Variants in RGS7 observed in about 807,000 individuals in gnomAD.
The protein encoded by RGS7 is regulator of G-protein signaling 7.
RGS7 carries 27 observed loss-of-function variants against 81.1 expected under a neutral mutation model. That is an observed-to-expected ratio of 0.33 (90% CI 0.25 to 0.46). The LOEUF is 0.46. RGS7 is among the 20% of genes least tolerant of loss of function. The pLI is 1.00. For synonymous variants in RGS7, 208 were observed against 207.7 expected (o/e 1.00, Z -0.01); for missense variants, 396 against 607.4 (o/e 0.65, Z 3.66).
chr1:241,099,839 G>A (rs917211512), intron 2 of RGS7, among the ~76,000 whole-genome samples: 8 of 152,254 alleles, frequency 5.3e-5, no homozygotes, highest in African/African-American at 1.9e-4. Context: ...AAAAAATTCA[G>A]TCAATAGTGA....
chr1:241,137,098 A>C lies in RGS7; in HGVS notation c.79-38336T>G, dbSNP rs545619206. ...TCCCTGAGGGCTCTGTTTAGGCATC[A>C]TATCATCAGGAAGTTTATCCTTATT... On this transcript the variant is annotated intron_variant, in intron 2 of 18. Transcript: ENST00000440928. Among the ~76,000 whole-genome samples the C allele has an allele frequency of 2.6e-5, 4 of 152,314 alleles. No individual in the cohort carries two copies. The South Asian group carries it at 8.3e-4, about 32-fold the overall frequency.
chr1:240,791,532 G>T (rs556411660), intron 18 of RGS7, among the ~76,000 whole-genome samples: 35 of 152,194 alleles, frequency 2.3e-4, no homozygotes, highest in African/African-American at 8.2e-4. Context: ...AAAAATTATG[G>T]AAAAGAAAAA....
At chr1:240,855,010 C>T (rs542172845) in intron 9 of RGS7, among the ~76,000 whole-genome samples, 12 of 152,142 alleles carry the variant, frequency 7.9e-5, no homozygotes, top group African/African-American at 2.6e-4. Context: ...GATACTTTAT[C>T]CACAATTTTT....
At chr1:240,972,191 T>C (rs1456663312) in intron 4 of RGS7, among the ~76,000 whole-genome samples, 2 of 152,144 alleles carry the variant, frequency 1.3e-5, no homozygotes, top group Non-Finnish European at 2.9e-5. Flanking sequence ...TTGCCCGCCA[T>C]TTATGCAAAA....
chr1:240,960,124 G>T (rs1317362108), intron 4 of RGS7, among the ~76,000 whole-genome samples: 3 of 151,188 alleles, frequency 2.0e-5, no homozygotes, highest in Non-Finnish European at 4.4e-5. Context: ...CCTCCTGCCT[G>T]GGTGAAAGAG....
chr1:241,319,000 A>ACAATTACTCCT (rs2081054911), intron 2 of RGS7, among the ~76,000 whole-genome samples: 1 of 152,220 alleles, frequency 6.6e-6, no homozygotes, highest in African/African-American at 2.4e-5. Flanking sequence ...CCTCAGGAAG[A>ACAATTACTCCT]CAGGTGGATC....
intron 5 of RGS7, among the ~76,000 whole-genome samples, chr1:240,932,943 G>C (rs1223715865): frequency 7.5e-6 from 1 of 133,716 alleles, no homozygotes; most frequent in African/African-American, 2.8e-5. Context: ...GACTGCAGTG[G>C]CGCGATCTCG....
At chr1:241,324,179 T>C (rs1383389515) in intron 2 of RGS7, among the ~76,000 whole-genome samples, 3 of 152,194 alleles carry the variant, frequency 2.0e-5, no homozygotes, top group South Asian at 2.1e-4. Flanking sequence ...AGTAGCTCAA[T>C]AGAGAAATAA....
chr1:241,177,049 T>G (rs763200500), intron 2 of RGS7, among the ~76,000 whole-genome samples: 1 of 152,170 alleles, frequency 6.6e-6, no homozygotes, highest in Non-Finnish European at 1.5e-5. Context: ...CTCTGCTTGA[T>G]TGACTTGGAT....
intron 3 of RGS7, among the ~76,000 whole-genome samples, chr1:240,993,973 A>C (rs1268349414): frequency 6.6e-6 from 1 of 152,166 alleles, no homozygotes; most frequent in African/African-American, 2.4e-5. Flanking sequence ...TTTGTCAAAA[A>C]TCCATTGTGT....
At chr1:241,076,271 T>C (rs2062795360) in intron 3 of RGS7, among the ~76,000 whole-genome samples, 1 of 152,160 alleles carries the variant, frequency 6.6e-6, no homozygotes, top group Non-Finnish European at 1.5e-5. Flanking sequence ...CTTTTCCTGG[T>C]TGAGTCCTTC....
intron 5 of RGS7, among the ~76,000 whole-genome samples, chr1:240,932,876 C>CTTTTTTTTTTTTTTTTTTTTTTTTTTTT (rs36194238): frequency 1.7e-5 from 1 of 57,294 alleles, no homozygotes; most frequent in Non-Finnish European, 3.1e-5. Flanking sequence ...TGGTATCTTT[C>CTTTTTTTTTTTTTTTTTTTTTTTTTTTT]TTTTTTTTTT....
At chr1:240,811,764 T>A (rs1344189667) in intron 14 of RGS7, among the ~76,000 whole-genome samples, 154 bp downstream of exon 14, 1 of 152,222 alleles carries the variant, frequency 6.6e-6, no homozygotes, top group East Asian at 1.9e-4. Context: ...TGCCTTGCTA[T>A]CTCTTTTCCC....
At chr1:240,966,903 C>G (rs1682395686) in intron 4 of RGS7, among the ~76,000 whole-genome samples, 1 of 152,096 alleles carries the variant, frequency 6.6e-6, no homozygotes, top group African/African-American at 2.4e-5. Flanking sequence ...TGTTAATATT[C>G]TCTGTTAAGT....
intron 2 of RGS7, among the ~76,000 whole-genome samples, chr1:241,339,034 G>T (rs2082391183): frequency 2.0e-5 from 3 of 151,940 alleles, no homozygotes; most frequent in African/African-American, 4.8e-5. Context: ...TTATCCTGAT[G>T]CTCTCTGCCC....
chr1:241,138,332 G>A (rs921856955), intron 2 of RGS7, among the ~76,000 whole-genome samples: 6 of 152,136 alleles, frequency 3.9e-5, no homozygotes, highest in African/African-American at 1.4e-4. Context: ...ATTGTGGGGG[G>A]ATCTTCAGTG....
chr1:240,893,593 A>G (rs1306546350), intron 6 of RGS7, among the ~76,000 whole-genome samples: 1 of 150,986 alleles, frequency 6.6e-6, no homozygotes, highest in African/African-American at 2.4e-5. Context: ...TGATGCTTAG[A>G]AAGACTGCAT....
intron 2 of RGS7, among the ~76,000 whole-genome samples, chr1:241,152,660 A>G (rs1392344593): frequency 2.6e-5 from 4 of 152,184 alleles, no homozygotes; most frequent in East Asian, 1.9e-4. Context: ...CCTGTGTTCA[A>G]TGGAGCAATG....
intron 3 of RGS7, among the ~76,000 whole-genome samples, chr1:241,081,700 T>C (rs2063143263): frequency 6.6e-6 from 1 of 152,156 alleles, no homozygotes; most frequent in Non-Finnish European, 1.5e-5. Flanking sequence ...ATTCTTGGAG[T>C]CTTTTTCAGA....
Sources: gnomAD v4.1 joint callset for allele counts (sites outside exome capture counted in the v4.1 genomes callset) on GRCh38, gnomAD v4.1.1 for gene constraint, MANE v1.5 for transcripts, NCBI Gene and HGNC (gene_info 2026-07-23, HGNC 2026-07-21) for gene names.